TMEM192: variants seen among roughly 807,000 people sequenced by gnomAD.
TMEM192 encodes the protein transmembrane protein 192.
Under a neutral mutation model 26.7 loss-of-function variants are expected in TMEM192, and 20 were observed. The observed-to-expected ratio is 0.75, with a 90% CI of 0.53 to 1.09. The LOEUF (loss-of-function observed/expected upper bound fraction) is 1.09. Among genes scored for constraint, TMEM192 ranks in the 50% least tolerant of loss-of-function variants. The pLI is 0.00. For synonymous variants in TMEM192, 124 were observed against 121.0 expected (o/e 1.02, Z -0.16); for missense variants, 304 against 322.6 (o/e 0.94, Z 0.44).
At chr4:165,108,198 C>T (rs1735213639) in intron 1 of TMEM192, among the ~76,000 whole-genome samples, 1 of 140,124 alleles carries the variant, frequency 7.1e-6, no homozygotes, top group Non-Finnish European at 1.5e-5. Flanking sequence ...TCTCGGCTCA[C>T]TGCAAGCTCT....
chr4:165,096,704 G>T (rs1734916622), intron 3 of TMEM192, among the ~76,000 whole-genome samples: 1 of 149,714 alleles, frequency 6.7e-6, no homozygotes, highest in South Asian at 2.1e-4. Flanking sequence ...CATTCCGTTT[G>T]ATTTTCTGGG....
At chr4:165,106,379 G>C (rs936317294) in intron 1 of TMEM192, among the ~76,000 whole-genome samples, 2 of 152,152 alleles carry the variant, frequency 1.3e-5, no homozygotes, top group Non-Finnish European at 1.5e-5. Flanking sequence ...ACAAACATTC[G>C]TGTTTCTCTC....
At chr4:165,108,475 T>C (rs967628965) in intron 1 of TMEM192, among the ~76,000 whole-genome samples, 9 of 152,182 alleles carry the variant, frequency 5.9e-5, no homozygotes, top group African/African-American at 2.2e-4. Flanking sequence ...TCAAGTTACT[T>C]GGAAACAGTC....
rs182794728 is a variant in TMEM192 at position 165,098,726 on chromosome 4, C to T, written c.439+1902G>A. On this transcript the variant is annotated intron_variant, in intron 3 of 5. Coordinates refer to ENST00000306480, the MANE Select transcript of TMEM192 (RefSeq NM_001100389.2). ...TTTTTTTTTCTTTTGAGGCAGTGTT[C>T]CGCTCTTGTTGCCCAGGCTGGAGTG... Among the ~76,000 whole-genome samples, 237 of 151,592 alleles carry T rather than the reference C, an allele frequency of 1.6e-3. 5 individuals are homozygous for T. The highest frequency in any genetic ancestry group is 1.5e-4 in the Non-Finnish European group (10 of 67,900).
intron 2 of TMEM192, among the ~76,000 whole-genome samples, chr4:165,101,307 C>T (rs1221496846): frequency 2.0e-5 from 3 of 152,006 alleles, no homozygotes; most frequent in Non-Finnish European, 2.9e-5. Context: ...CTACAGCTTC[C>T]CCTGTCCTAT....
At position 165,079,343 on chromosome 4, in the gene TMEM192, T is replaced by C. The variant is rs1041513946; in HGVS notation, c.*315A>G. On this transcript the variant is annotated 3_prime_UTR_variant, in exon 6 of 6. Transcript: ENST00000306480. The stretch of plus-strand genomic sequence containing the variant: ...TAATGAAATCATTACAGGGTTCTAA[T>C]GTCAGGTGGAAAAGTGTTGACTATG... 2 of 244,168 alleles carry C rather than the reference T, an allele frequency of 8.2e-6. No individual in the cohort carries two copies. The highest frequency in any genetic ancestry group is 1.6e-5 in the Non-Finnish European group (2 of 128,676). 15.1% of individuals were successfully genotyped at this position (244,168 alleles called of 1,614,324 possible).
At chr4:165,085,435 T>G (rs1182149570) in intron 5 of TMEM192, 151 bp downstream of exon 5, 1 of 613,788 alleles carries the variant, frequency 1.6e-6, no homozygotes, top group African/African-American at 1.9e-5. Flanking sequence ...CACATCCTGA[T>G]TTAGACTTGA....
chr4:165,112,623 G>T, intron 1 of TMEM192, 124 bp downstream of exon 1: 1 of 1,399,760 alleles, frequency 7.1e-7, no homozygotes, highest in Non-Finnish European at 9.7e-7. Context: ...CACAGGCGGC[G>T]CCCCCTTCGG....
At chr4:165,108,102 T>G (rs1735208754) in intron 1 of TMEM192, among the ~76,000 whole-genome samples, 1 of 148,292 alleles carries the variant, frequency 6.7e-6, no homozygotes, top group South Asian at 2.1e-4. Context: ...CTGGGTATTT[T>G]CTGTATTCCC....
intron 3 of TMEM192, among the ~76,000 whole-genome samples, chr4:165,092,424 C>T (rs773414810): frequency 6.6e-6 from 1 of 152,056 alleles, no homozygotes; most frequent in Non-Finnish European, 1.5e-5. Context: ...ACCCGGCCCA[C>T]AGTGCTGTCC....
At chr4:165,102,554 TGAAG>T (rs1735059831) in intron 2 of TMEM192, among the ~76,000 whole-genome samples, 1 of 152,148 alleles carries the variant, frequency 6.6e-6, no homozygotes, top group Non-Finnish European at 1.5e-5. Flanking sequence ...AATGTAATCA[TGAAG>T]GCTATTCTAT....
At chr4:165,097,287 G>T (rs950807177) in intron 3 of TMEM192, among the ~76,000 whole-genome samples, 6 of 152,108 alleles carry the variant, frequency 3.9e-5, no homozygotes, top group African/African-American at 1.4e-4. Flanking sequence ...AAGGTCAGGA[G>T]ATCGAGACCA....
intron 5 of TMEM192, among the ~76,000 whole-genome samples, chr4:165,084,781 T>C (rs1314258938): frequency 6.6e-6 from 1 of 151,046 alleles, no homozygotes; most frequent in Non-Finnish European, 1.5e-5. Context: ...TGTATAGTTT[T>C]TTACATCTAC....
At chr4:165,093,893 G>T (rs1734830588) in intron 3 of TMEM192, among the ~76,000 whole-genome samples, 1 of 151,812 alleles carries the variant, frequency 6.6e-6, no homozygotes, top group African/African-American at 2.4e-5. Context: ...GCTAATTTTT[G>T]TATTTGTTTT....
chr4:165,089,040 C>CAAAA (rs56000323), intron 3 of TMEM192, among the ~76,000 whole-genome samples: 1 of 47,286 alleles, frequency 2.1e-5, no homozygotes. Context: ...GACCCTACTG[C>CAAAA]AAAAAAAAAA....
intron 1 of TMEM192, among the ~76,000 whole-genome samples, chr4:165,110,900 G>T (rs1327145742): frequency 1.3e-5 from 2 of 152,124 alleles, no homozygotes; most frequent in East Asian, 3.8e-4. Context: ...TGCAAACAAT[G>T]AATCCCTACT....
intron 1 of TMEM192, among the ~76,000 whole-genome samples, chr4:165,110,960 G>A (rs1371204323): frequency 6.6e-6 from 1 of 152,144 alleles, no homozygotes; most frequent in Non-Finnish European, 1.5e-5. Context: ...ACTAAGGCAT[G>A]GTCCAAAATT....
chr4:165,088,875 T>C (rs1014693451), intron 3 of TMEM192, among the ~76,000 whole-genome samples: 1 of 150,600 alleles, frequency 6.6e-6, no homozygotes, highest in Non-Finnish European at 1.5e-5. Context: ...CCCATCTCTA[T>C]AAAAAAATAT....
intron 3 of TMEM192, among the ~76,000 whole-genome samples, chr4:165,093,571 C>T (rs1347031892): frequency 6.6e-6 from 1 of 152,146 alleles, no homozygotes; most frequent in Non-Finnish European, 1.5e-5. Flanking sequence ...ATGGTATGTG[C>T]TGTGGACATT....
Sources: gnomAD v4.1 joint callset for allele counts (sites outside exome capture counted in the v4.1 genomes callset) on GRCh38, gnomAD v4.1.1 for gene constraint, MANE v1.5 for transcripts, NCBI Gene and HGNC (gene_info 2026-07-23, HGNC 2026-07-21) for gene names.